The following PDE7A variants were observed in gnomAD, a reference collection of about 807,000 sequenced individuals.
The protein encoded by PDE7A is high affinity 3',5'-cyclic-AMP phosphodiesterase 7A.
A neutral mutation model predicts 64.3 loss-of-function variants in PDE7A; 39 were observed. The observed-to-expected ratio is 0.61, with a 90% CI of 0.47 to 0.79. PDE7A has a LOEUF of 0.79. PDE7A is among the 30% of genes least tolerant of loss of function. PDE7A has a pLI of 0.00. For synonymous variants in PDE7A, 203 were observed against 206.8 expected, an observed-to-expected ratio of 0.98 and a Z score of 0.16; for missense variants, 470 against 582.8, an observed-to-expected ratio of 0.81 and a Z score of 1.99.
In PDE7A at chr8:65,727,411, C is replaced by A. The variant is rs139641538; in HGVS notation, c.697-110G>T. ...ATGGTAGTGGTGGTAATCTCCTCCCCCTTCACGTCATTCCTCAGGTGGTTG... is the reference window on the plus strand; with the variant it reads ...ATGGTAGTGGTGGTAATCTCCTCCCACTTCACGTCATTCCTCAGGTGGTTG... On this transcript the variant is annotated intron_variant, in intron 7 of 12. Coordinates refer to ENST00000401827, the MANE Select transcript of PDE7A (RefSeq NM_001242318.3). 2,654 of 1,471,058 alleles carry A rather than the reference C, an allele frequency of 1.8e-3. 6 individuals carry two copies. Among genetic ancestry groups the A allele is most frequent in the Non-Finnish European group, 2.2e-3 (2,379 of 1,096,200 alleles). The allele number at this position is 1,471,058 out of a possible 1,614,324, so 91.1% of individuals were successfully genotyped here. A position where few individuals can be genotyped will look rare whatever the true frequency, so the allele number is the denominator to read the frequency against.
At chr8:65,822,374 G>A (rs1478816263) in intron 1 of PDE7A, among the ~76,000 whole-genome samples, 1 of 152,220 alleles carries the variant, frequency 6.6e-6, no homozygotes, top group Non-Finnish European at 1.5e-5. Context: ...TGCCACCGCA[G>A]AGAAAGGGAT....
At chr8:65,789,399 C>CT (rs1809641823) in intron 1 of PDE7A, among the ~76,000 whole-genome samples, 1 of 152,194 alleles carries the variant, frequency 6.6e-6, no homozygotes, top group Non-Finnish European at 1.5e-5. Flanking sequence ...GCACAGTGTC[C>CT]TGTGACATTT....
chr8:65,819,346 C>G (rs79613541), intron 1 of PDE7A, among the ~76,000 whole-genome samples: 8,696 of 152,234 alleles, frequency 0.057, 357 homozygotes, highest in Middle Eastern at 0.11. Context: ...GCAGTGAGCC[C>G]GGACCACACC....
intron 1 of PDE7A, among the ~76,000 whole-genome samples, chr8:65,815,262 A>T (rs1042639914): frequency 6.6e-6 from 1 of 152,220 alleles, no homozygotes; most frequent in Non-Finnish European, 1.5e-5. Context: ...GCCCTAACTT[A>T]TAAGAGCCAT....
chr8:65,739,212 G>A (rs961651590), intron 6 of PDE7A, among the ~76,000 whole-genome samples: 2 of 152,152 alleles, frequency 1.3e-5, no homozygotes, highest in Admixed American at 1.3e-4. Context: ...AGACTATGTA[G>A]AGCCGAGATG....
At chr8:65,789,588 G>A (rs1809645762) in intron 1 of PDE7A, among the ~76,000 whole-genome samples, 1 of 152,068 alleles carries the variant, frequency 6.6e-6, no homozygotes, top group African/African-American at 2.4e-5. Flanking sequence ...GTCTAATAGT[G>A]CATTTTCAAA....
intron 1 of PDE7A, among the ~76,000 whole-genome samples, chr8:65,798,488 G>A (rs1404259502): frequency 6.6e-6 from 1 of 152,054 alleles, no homozygotes; most frequent in African/African-American, 2.4e-5. Flanking sequence ...GGGATTACAG[G>A]TGTGAGCCAC....
intron 1 of PDE7A, among the ~76,000 whole-genome samples, chr8:65,833,722 G>C (rs1167249538): frequency 6.6e-6 from 1 of 152,132 alleles, no homozygotes; most frequent in Non-Finnish European, 1.5e-5. Flanking sequence ...CCAGCACTTT[G>C]GGAGGCCAAG....
chr8:65,739,415 A>G, intron 6 of PDE7A, 87 bp downstream of exon 6: 1 of 1,386,806 alleles, frequency 7.2e-7, no homozygotes. Flanking sequence ...ATAGAGCAAT[A>G]GCTAACCGAT....
chr8:65,720,536 G>A (rs1030633001), intron 12 of PDE7A: 1 of 154,106 alleles, frequency 6.5e-6, no homozygotes, highest in Non-Finnish European at 1.5e-5. Context: ...ATGGTCTGAT[G>A]GCTGAATTTT....
intron 1 of PDE7A, among the ~76,000 whole-genome samples, chr8:65,785,867 A>G (rs771825057): frequency 6.6e-6 from 1 of 152,248 alleles, no homozygotes; most frequent in South Asian, 2.1e-4. Context: ...GGCATTTACT[A>G]TAACAGTTGC....
At chr8:65,824,798 A>G (rs1480305437) in intron 1 of PDE7A, among the ~76,000 whole-genome samples, 2 of 152,270 alleles carry the variant, frequency 1.3e-5, no homozygotes, top group Non-Finnish European at 2.9e-5. Context: ...ACTACAGTAC[A>G]GCGCAAACAT....
chr8:65,730,171 C>CTTCTTTTTTTTTTTTTTTTTTTTT, intron 7 of PDE7A, among the ~76,000 whole-genome samples: 1 of 86,434 alleles, frequency 1.2e-5, no homozygotes, highest in Non-Finnish European at 2.1e-5. Flanking sequence ...TTGCGCACTT[C>CTTCTTTTTTTTTTTTTTTTTTTTT]TTTTTTTTTT....
intron 3 of PDE7A, among the ~76,000 whole-genome samples, chr8:65,769,015 A>G (rs1347730134): frequency 6.6e-6 from 1 of 152,172 alleles, no homozygotes; most frequent in Admixed American, 6.5e-5. Flanking sequence ...TGGAAGGCTG[A>G]GGTAGGCAGA....
intron 1 of PDE7A, among the ~76,000 whole-genome samples, chr8:65,789,560 C>T (rs185554162): frequency 1.0e-3 from 155 of 152,126 alleles, no homozygotes; most frequent in African/African-American, 3.6e-3. Flanking sequence ...TCATTTTGGA[C>T]TTACTGAAAA....
intron 3 of PDE7A, among the ~76,000 whole-genome samples, chr8:65,777,077 C>CTTTTT (rs56661178): frequency 5.5e-5 from 5 of 90,452 alleles, no homozygotes; most frequent in Admixed American, 1.2e-4. Context: ...TTATCAAATG[C>CTTTTT]TTTTTTTTTT....
chr8:65,825,861 G>A (rs1810660290), intron 1 of PDE7A, among the ~76,000 whole-genome samples: 1 of 152,186 alleles, frequency 6.6e-6, no homozygotes, highest in Non-Finnish European at 1.5e-5. Flanking sequence ...AAGGTGGGGG[G>A]TGAGGCGGAG....
At chr8:65,769,025 A>G (rs749481125) in intron 3 of PDE7A, among the ~76,000 whole-genome samples, 6 of 152,146 alleles carry the variant, frequency 3.9e-5, no homozygotes, top group Non-Finnish European at 8.8e-5. Context: ...AGGTAGGCAG[A>G]TCACTTGAGG....
intron 1 of PDE7A, among the ~76,000 whole-genome samples, chr8:65,805,320 T>C (rs1002553622): frequency 2.0e-5 from 3 of 152,248 alleles, no homozygotes; most frequent in African/African-American, 7.2e-5. Flanking sequence ...CATTTGATTT[T>C]AAAATTATGA....
Sources: gnomAD v4.1 joint callset for allele counts (sites outside exome capture counted in the v4.1 genomes callset) on GRCh38, gnomAD v4.1.1 for gene constraint, MANE v1.5 for transcripts, NCBI Gene and HGNC (gene_info 2026-07-23, HGNC 2026-07-21) for gene names.